Variants in EVI5 observed in about 807,000 individuals in gnomAD.
The protein encoded by EVI5 is ecotropic viral integration site 5 protein homolog.
EVI5 carries 73 observed loss-of-function variants against 112.0 expected under a neutral mutation model. The observed-to-expected ratio is 0.65, with a 90% CI of 0.54 to 0.79. The LOEUF (loss-of-function observed/expected upper bound fraction) is 0.79, where lower values mean the gene tolerates loss of function less well. Ranked by LOEUF, EVI5 falls within the 30% of genes least tolerant of loss-of-function variation. EVI5 has a pLI of 0.00. For missense variants in EVI5, 900 were observed against 968.8 expected, an observed-to-expected ratio of 0.93 and a Z score of 0.94; for synonymous variants, 305 against 319.9, an observed-to-expected ratio of 0.95 and a Z score of 0.50.
intron 16 of EVI5, among the ~76,000 whole-genome samples, chr1:92,622,880 T>G (rs1557923042): frequency 1.3e-5 from 2 of 152,212 alleles, no homozygotes; most frequent in Admixed American, 6.5e-5. Context: ...CCGTAGCAAT[T>G]CCTATCTAAC....
At chr1:92,639,818 C>T (rs1374554033) in intron 13 of EVI5, among the ~76,000 whole-genome samples, 1 of 152,124 alleles carries the variant, frequency 6.6e-6, no homozygotes, top group Non-Finnish European at 1.5e-5. Context: ...CAAGACAATC[C>T]TAAGCAAAAA....
chr1:92,569,408 GGGAAC>G (rs1669967633), intron 18 of EVI5, among the ~76,000 whole-genome samples: 1 of 152,080 alleles, frequency 6.6e-6, no homozygotes, highest in Admixed American at 6.5e-5. Context: ...TAATTTAAAT[GGGAAC>G]TACAATATAT....
rs1670154837 is a variant in EVI5 at position 92,695,400 on chromosome 1, T to C, written c.819A>G (p.Ser273=). The change falls in exon 7 of 20, where the codon TCA becomes TCG. Residue 273 remains serine (S), a synonymous_variant. Transcript: ENST00000684568. Reference sequence around the variant, plus strand: ...TCAGAAACCAGGATGATGCATACATTGAGGTATGAAAACTCTGAGATTGAA... The same window carrying C: ...TCAGAAACCAGGATGATGCATACATCGAGGTATGAAAACTCTGAGATTGAA... ...VHFQSQSFHT[S]MYASSWFLTI... is the part of the protein sequence containing the mutation. 6.2e-7 allele frequency: 1 copy of C among 1,605,640 alleles called. No homozygotes were observed. The highest frequency in any genetic ancestry group is 8.5e-7 in the Non-Finnish European group (1 of 1,172,610).
At chr1:92,631,286 A>C (rs1571992075) in intron 14 of EVI5, among the ~76,000 whole-genome samples, 3 of 152,072 alleles carry the variant, frequency 2.0e-5, no homozygotes, top group South Asian at 2.1e-4. Context: ...GGCCATTTTC[A>C]CAATATTGAT....
chr1:92,595,686 T>C (rs989361606), intron 18 of EVI5, among the ~76,000 whole-genome samples: 1 of 152,150 alleles, frequency 6.6e-6, no homozygotes, highest in African/African-American at 2.4e-5. Flanking sequence ...GGGCCTCAAG[T>C]ACCGGGTATA....
intron 18 of EVI5, among the ~76,000 whole-genome samples, chr1:92,586,976 A>G (rs1432574558): frequency 6.6e-6 from 1 of 152,076 alleles, no homozygotes; most frequent in Non-Finnish European, 1.5e-5. Flanking sequence ...GGTACTTAAG[A>G]GTCCAAACTC....
At chr1:92,648,936 G>A (rs1661548169) in intron 13 of EVI5, among the ~76,000 whole-genome samples, 1 of 152,090 alleles carries the variant, frequency 6.6e-6, no homozygotes, top group African/African-American at 2.4e-5. Context: ...AACTTTTTGA[G>A]GAACTGCCAA....
intron 1 of EVI5, among the ~76,000 whole-genome samples, chr1:92,768,490 T>C (rs775151421): frequency 2.0e-5 from 3 of 152,220 alleles, no homozygotes; most frequent in Non-Finnish European, 4.4e-5. Context: ...TCAGAGCTTA[T>C]GCTCTTTGGA....
intron 13 of EVI5, among the ~76,000 whole-genome samples, chr1:92,645,281 A>T (rs1660725353): frequency 6.6e-6 from 1 of 152,154 alleles, no homozygotes; most frequent in Non-Finnish European, 1.5e-5. Flanking sequence ...CTTGTTCTAA[A>T]GTCCACCTTG....
At chr1:92,669,519 G>C (rs929489126) in intron 10 of EVI5, among the ~76,000 whole-genome samples, 3 of 104,858 alleles carry the variant, frequency 2.9e-5, no homozygotes, top group African/African-American at 3.7e-5. Flanking sequence ...CTGCACTCCG[G>C]CCTGGGCAAC....
intron 2 of EVI5, among the ~76,000 whole-genome samples, chr1:92,731,537 T>C (rs147162464): frequency 1.3e-5 from 2 of 152,310 alleles, no homozygotes; most frequent in Non-Finnish European, 2.9e-5. Flanking sequence ...CAGGCGTTTT[T>C]GTAGAAATTA....
chr1:92,637,164 G>A (rs1188141213), intron 13 of EVI5, among the ~76,000 whole-genome samples: 1 of 152,108 alleles, frequency 6.6e-6, no homozygotes, highest in South Asian at 2.1e-4. Flanking sequence ...GATCACTTGA[G>A]GCCAGGAGTT....
At chr1:92,534,164 G>A (rs1219818845) in intron 19 of EVI5, among the ~76,000 whole-genome samples, 1 of 152,136 alleles carries the variant, frequency 6.6e-6, no homozygotes, top group African/African-American at 2.4e-5. Flanking sequence ...CAAATCATGA[G>A]TGAACTCCCA....
intron 13 of EVI5, among the ~76,000 whole-genome samples, chr1:92,637,253 C>G (rs1659058360): frequency 6.6e-6 from 1 of 152,092 alleles, no homozygotes; most frequent in Non-Finnish European, 1.5e-5. Context: ...TGGCACACGC[C>G]TGTAATCCCC....
chr1:92,509,493 AT>A lies in EVI5; in HGVS notation c.*4162del, dbSNP rs11381351. The A allele has an allele frequency of 5.4e-4, 79 of 146,918 alleles. No individual in the cohort carries two copies. Among genetic ancestry groups the A allele is most frequent in the Middle Eastern group, 3.4e-3 (1 of 292 alleles). The allele number at this position is 146,918 out of a possible 1,614,324, so 9.1% of individuals were successfully genotyped here. On this transcript the variant is annotated 3_prime_UTR_variant, in exon 20 of 20. Coordinates refer to ENST00000684568, the MANE Select transcript of EVI5 (RefSeq NM_001350197.2). Reference sequence around the variant, plus strand: ...TACATCTTTGACTTCTTTTCCCAGGATTTTTTTTTTTTTTAAAGAGACAGGG... The same window carrying A: ...TACATCTTTGACTTCTTTTCCCAGGATTTTTTTTTTTTTAAAGAGACAGGG...
At chr1:92,529,514 G>T (rs1223402837) in intron 19 of EVI5, among the ~76,000 whole-genome samples, 2 of 152,128 alleles carry the variant, frequency 1.3e-5, no homozygotes, top group Non-Finnish European at 2.9e-5. Flanking sequence ...AAAAATCTAT[G>T]GGGAACAAGG....
At chr1:92,597,904 T>C (rs1380821992) in intron 18 of EVI5, among the ~76,000 whole-genome samples, 1 of 151,976 alleles carries the variant, frequency 6.6e-6, no homozygotes, top group African/African-American at 2.4e-5. Context: ...ACACAAAATA[T>C]AAAAATTAGC....
At chr1:92,566,795 T>C (rs114372343) in intron 18 of EVI5, among the ~76,000 whole-genome samples, 2,947 of 147,838 alleles carry the variant, frequency 0.02, 114 homozygotes, top group African/African-American at 0.068. Flanking sequence ...GAATAATGTG[T>C]GTGCCTGCTT....
At position 92,669,556 on chromosome 1, in the gene EVI5, A is replaced by AAAAAAAAAAAAAAAAAAAAAAAAAAAAC. The variant is rs1665507975; in HGVS notation, c.1159-3565_1159-3564insGTTTTTTTTTTTTTTTTTTTTTTTTTTT. On this transcript the variant is annotated intron_variant, in intron 10 of 19. Transcript: ENST00000684568. ...GAGCAAGGCTCTGTCTCAAAAAAAA[A>AAAAAAAAAAAAAAAAAAAAAAAAAAAAC]AAAAATCACTGGGAAATTCATATCT... Among the ~76,000 whole-genome samples, 2 of 150,188 alleles carry AAAAAAAAAAAAAAAAAAAAAAAAAAAAC rather than the reference A, an allele frequency of 1.3e-5. 1 individual carries two copies. The highest frequency in any genetic ancestry group is 4.2e-4 in the South Asian group (2 of 4,718).
Sources: allele counts gnomAD v4.1 joint callset (sites outside exome capture counted in the v4.1 genomes callset), GRCh38; gene constraint gnomAD v4.1.1; transcripts MANE v1.5; gene names NCBI Gene and HGNC (gene_info 2026-07-23, HGNC 2026-07-21).